SNTG2: variants seen among roughly 807,000 people sequenced by gnomAD.
The protein encoded by SNTG2 is syntrophin gamma 2.
A neutral mutation model predicts 70.9 loss-of-function variants in SNTG2; 74 were observed. The ratio of observed to expected loss-of-function variants is 1.04; its 90% confidence interval spans 0.86 to 1.27. The LOEUF is 1.27. Ranked by LOEUF, SNTG2 falls within the 50% of genes most tolerant of loss-of-function variation. The probability of loss-of-function intolerance (pLI) is 0.00; values close to 1 mark genes in which losing one functional copy is unlikely to be tolerated. For missense variants in SNTG2, 717 were observed against 690.7 expected, an observed-to-expected ratio of 1.04 and a Z score of -0.43; for synonymous variants, 278 against 273.8, an observed-to-expected ratio of 1.02 and a Z score of -0.15.
At chr2:1,287,690 T>C (rs1679821208) in intron 14 of SNTG2, among the ~76,000 whole-genome samples, 1 of 152,182 alleles carries the variant, frequency 6.6e-6, no homozygotes, top group East Asian at 1.9e-4. Flanking sequence ...TCATTCTCAT[T>C]GGAGGGCCGG....
chr2:1,103,684 G>C (rs1381830962), intron 4 of SNTG2, among the ~76,000 whole-genome samples: 1 of 152,102 alleles, frequency 6.6e-6, no homozygotes, highest in Non-Finnish European at 1.5e-5. Context: ...CACCGCGCCT[G>C]GCCATGATTA....
At chr2:1,312,599 A>G (rs1681057415) in intron 15 of SNTG2, among the ~76,000 whole-genome samples, 1 of 152,200 alleles carries the variant, frequency 6.6e-6, no homozygotes, top group Non-Finnish European at 1.5e-5. Flanking sequence ...AGGCAGAACC[A>G]CCGCAGGATT....
intron 14 of SNTG2, among the ~76,000 whole-genome samples, chr2:1,305,108 G>A (rs1180670247): frequency 6.6e-6 from 1 of 151,992 alleles, no homozygotes; most frequent in East Asian, 1.9e-4. Context: ...CATATAATGT[G>A]CTGGAGATAA....
At chr2:1,145,307 T>C (rs1425636027) in intron 6 of SNTG2, among the ~76,000 whole-genome samples, 2 of 152,130 alleles carry the variant, frequency 1.3e-5, no homozygotes, top group Non-Finnish European at 2.9e-5. Flanking sequence ...AGCTGTTTCT[T>C]TGTAAATATA....
chr2:1,023,911 T>C (rs538535624), intron 1 of SNTG2, among the ~76,000 whole-genome samples: 12 of 152,352 alleles, frequency 7.9e-5, no homozygotes, highest in African/African-American at 2.2e-4. Flanking sequence ...TTTCCACGGA[T>C]GAGCAACGTT....
At chr2:1,266,763 T>TTTTTTTTTC (rs1327553671) in intron 13 of SNTG2, among the ~76,000 whole-genome samples, 1 of 147,538 alleles carries the variant, frequency 6.8e-6, no homozygotes, top group Non-Finnish European at 1.5e-5. Context: ...TTTTTTTTTT[T>TTTTTTTTTC]TTCTTGAGAC....
rs1274509499 is a variant in SNTG2, at chr2:1,256,959, TC to T, written c.1006-2410del. Among the ~76,000 whole-genome samples the T allele has an allele frequency of 2.1e-3, 240 of 112,956 alleles. 1 individual carries two copies. Among genetic ancestry groups the T allele is most frequent in the African/African-American group, 7.3e-3 (216 of 29,624 alleles). The allele number at this position is 112,956 out of a possible 152,430, so 74.1% of individuals were successfully genotyped here. On this transcript the variant is annotated intron_variant, in intron 12 of 16. Transcript: ENST00000308624. Reference sequence around the variant, plus strand: ...AGAACAATGATGAGAAAGACCCACTTCTTCTTTTTTTTTTTTAATTAATACA... The same window carrying T: ...AGAACAATGATGAGAAAGACCCACTTTTCTTTTTTTTTTTTAATTAATACA...
chr2:1,009,773 G>A (rs970011302), intron 1 of SNTG2, among the ~76,000 whole-genome samples: 2 of 152,188 alleles, frequency 1.3e-5, no homozygotes, highest in South Asian at 4.1e-4. Context: ...CAACCACGTG[G>A]AACCACGTGA....
intron 14 of SNTG2, among the ~76,000 whole-genome samples, chr2:1,292,768 T>A (rs910321671): frequency 6.6e-6 from 1 of 152,234 alleles, no homozygotes; most frequent in Non-Finnish European, 1.5e-5. Flanking sequence ...TTGAGATTTT[T>A]GCATCAATCT....
intron 8 of SNTG2, among the ~76,000 whole-genome samples, chr2:1,187,551 A>C (rs1416957613): frequency 6.6e-6 from 1 of 152,176 alleles, no homozygotes; most frequent in African/African-American, 2.4e-5. Context: ...GTCCCTTAAA[A>C]TAAATTTATC....
At chr2:1,127,897 CA>C (rs759729350) in intron 4 of SNTG2, among the ~76,000 whole-genome samples, 2 of 152,038 alleles carry the variant, frequency 1.3e-5, no homozygotes, top group Non-Finnish European at 2.9e-5. Context: ...ATGTCATCTG[CA>C]AAAAGGGACA....
At chr2:1,023,815 G>A (rs1203382404) in intron 1 of SNTG2, among the ~76,000 whole-genome samples, 10 of 152,186 alleles carry the variant, frequency 6.6e-5, no homozygotes, top group Admixed American at 5.2e-4. Flanking sequence ...GTGTGCCATC[G>A]ATGTCCGCTT....
At chr2:1,020,547 T>G (rs1660105344) in intron 1 of SNTG2, among the ~76,000 whole-genome samples, 2 of 149,758 alleles carry the variant, frequency 1.3e-5, no homozygotes. Flanking sequence ...ATTCCTGCAC[T>G]TCTCCAAATT....
intron 1 of SNTG2, among the ~76,000 whole-genome samples, chr2:1,014,986 A>G (rs891259466): frequency 6.6e-6 from 1 of 151,990 alleles, no homozygotes; most frequent in African/African-American, 2.4e-5. Flanking sequence ...GGGCCCCGGG[A>G]GGGGGCTGGG....
chr2:1,035,363 C>T (rs1461198061), intron 1 of SNTG2, among the ~76,000 whole-genome samples: 1 of 152,166 alleles, frequency 6.6e-6, no homozygotes, highest in Non-Finnish European at 1.5e-5. Context: ...CTGATCCTGG[C>T]AGTGCTCTAT....
intron 1 of SNTG2, among the ~76,000 whole-genome samples, chr2:1,069,329 TTA>T (rs1023696005): frequency 1.7e-4 from 24 of 142,702 alleles, no homozygotes; most frequent in African/African-American, 6.1e-4. Context: ...AAAAAAATTC[TTA>T]TATAAATGAA....
chr2:1,002,960 A>G (rs1659453469), intron 1 of SNTG2, among the ~76,000 whole-genome samples: 1 of 152,006 alleles, frequency 6.6e-6, no homozygotes, highest in South Asian at 2.1e-4. Context: ...CATGGATGGA[A>G]GTGGAGGTCA....
intron 14 of SNTG2, among the ~76,000 whole-genome samples, chr2:1,293,175 T>TTTTA (rs74164514): frequency 4.0e-5 from 6 of 148,298 alleles, no homozygotes; most frequent in African/African-American, 2.5e-5. Flanking sequence ...TTTTTTTTTT[T>TTTTA]ACTTTTGTTA....
intron 2 of SNTG2, among the ~76,000 whole-genome samples, chr2:1,086,601 CA>C (rs1418074529): frequency 2.0e-5 from 3 of 152,184 alleles, no homozygotes; most frequent in Non-Finnish European, 2.9e-5. Flanking sequence ...ACATTCTCTC[CA>C]GCACAATCTA....
Sources: gnomAD v4.1 joint callset for allele counts (sites outside exome capture counted in the v4.1 genomes callset) on GRCh38, gnomAD v4.1.1 for gene constraint, MANE v1.5 for transcripts, NCBI Gene and HGNC (gene_info 2026-07-23, HGNC 2026-07-21) for gene names.